LINC00237: variants seen among roughly 807,000 people sequenced by gnomAD.
The protein encoded by LINC00237 is long intergenic non-protein coding RNA 237.
Position 21,101,569 on chromosome 20 carries a change from G to A in LINC00237, n.88+4702C>T, listed in dbSNP as rs934747505. The A allele has an allele frequency of 8.5e-5, 13 of 152,380 alleles. No homozygotes were observed. Among genetic ancestry groups the A allele is most frequent in the African/African-American group, 3.1e-4 (13 of 41,462 alleles). The allele number at this position is 152,380 out of a possible 1,614,324, so 9.4% of individuals were successfully genotyped here. A position where few individuals can be genotyped will look rare whatever the true frequency, so the allele number is the denominator to read the frequency against. ...ACGCAGTCCGCGGCCGCCAGCTCCA[G>A]GGGCTCGGGCCCCAGGTTGGAGTAG... is the stretch of plus-strand genomic sequence containing the variant. On this transcript the variant is annotated intron_variant and non_coding_transcript_variant, in intron 1 of 3. Coordinates refer to ENST00000691244, the Ensembl canonical transcript of LINC00237. This position sits in a 1 kb window ranked among gnomAD's most constrained non-coding sequence, Gnocchi z 4.3.
chr20:21,095,802 G>T (rs1206551924), intron 1 of LINC00237, among the ~76,000 whole-genome samples: 3 of 152,190 alleles, frequency 2.0e-5, no homozygotes, highest in Admixed American at 1.3e-4. Context: ...GTGTTTCATT[G>T]CCTGGGAACT....
intron 2 of LINC00237, among the ~76,000 whole-genome samples, chr20:21,091,046 CGTGTGTGTGTGTGCGTGTGTGT>C (rs955683528): frequency 3.3e-5 from 5 of 150,152 alleles, no homozygotes; most frequent in Non-Finnish European, 7.4e-5. Flanking sequence ...TGTAAATGTG[CGTGTGTGTGTGTGCGTGTGTGT>C]GTGTGTGTGT....
At chr20:21,103,816 G>A (rs974313121) in intron 1 of LINC00237, among the ~76,000 whole-genome samples, 6 of 152,184 alleles carry the variant, frequency 3.9e-5, no homozygotes, top group African/African-American at 4.8e-5. Flanking sequence ...GTCACTGATC[G>A]ACTCATCTTG....
intron 2 of LINC00237, among the ~76,000 whole-genome samples, chr20:21,090,864 G>A (rs2030782511): frequency 6.6e-6 from 1 of 152,158 alleles, no homozygotes; most frequent in Non-Finnish European, 1.5e-5. Context: ...GCAAAGGCCT[G>A]CCCGGAGATG....
chr20:21,095,860 T>C (rs1324033372), intron 1 of LINC00237, among the ~76,000 whole-genome samples: 1 of 152,234 alleles, frequency 6.6e-6, no homozygotes, highest in African/African-American at 2.4e-5. Flanking sequence ...AGGCCAGAAG[T>C]GCTGAGGAAA....
intron 1 of LINC00237, among the ~76,000 whole-genome samples, chr20:21,095,740 CTTACCTG>C (rs1311326235): frequency 6.6e-6 from 1 of 152,310 alleles, no homozygotes; most frequent in East Asian, 1.9e-4. Flanking sequence ...TTGATAGCTC[CTTACCTG>C]TCTACATCAG....
intron 1 of LINC00237, among the ~76,000 whole-genome samples, chr20:21,094,910 G>A (rs1195135956): frequency 6.6e-6 from 1 of 152,164 alleles, no homozygotes; most frequent in Non-Finnish European, 1.5e-5. Context: ...AATTAGCTGG[G>A]CATGGTGGTG....
intron 1 of LINC00237, among the ~76,000 whole-genome samples, chr20:21,103,163 A>G (rs925888370): frequency 3.3e-5 from 5 of 152,274 alleles, no homozygotes; most frequent in Admixed American, 3.3e-4. Context: ...AAACGCGCCA[A>G]CGCTGCAAGC....
intron 1 of LINC00237, among the ~76,000 whole-genome samples, chr20:21,097,810 G>A (rs2030880177): frequency 6.6e-6 from 1 of 152,060 alleles, no homozygotes; most frequent in South Asian, 2.1e-4. Context: ...GAAAATATGT[G>A]TCTAATCACC....
chr20:21,093,159 G>C (rs1216928456), intron 2 of LINC00237: 6 of 152,218 alleles, frequency 3.9e-5, no homozygotes, highest in Non-Finnish European at 5.9e-5. Flanking sequence ...AGAGTCGCTA[G>C]TTGTGATAAT....
intron 1 of LINC00237, among the ~76,000 whole-genome samples, chr20:21,096,023 G>T (rs1046988220): frequency 6.6e-6 from 1 of 152,194 alleles, no homozygotes; most frequent in African/African-American, 2.4e-5. Context: ...ACACCTTGAT[G>T]GTTGCCTTCC....
At chr20:21,091,498 C>T (rs1199575553) in intron 2 of LINC00237, among the ~76,000 whole-genome samples, 2 of 152,130 alleles carry the variant, frequency 1.3e-5, no homozygotes, top group Non-Finnish European at 2.9e-5. Flanking sequence ...TTCTTACTGA[C>T]GCCACTCTGC....
At chr20:21,091,443 T>A (rs1369921106) in intron 2 of LINC00237, among the ~76,000 whole-genome samples, 1 of 152,110 alleles carries the variant, frequency 6.6e-6, no homozygotes, top group Non-Finnish European at 1.5e-5. Context: ...GTAAAGAGAT[T>A]GTGCAAACCC....
chr20:21,100,733 T>C (rs1223714615), intron 1 of LINC00237, among the ~76,000 whole-genome samples: 1 of 152,206 alleles, frequency 6.6e-6, no homozygotes, highest in East Asian at 1.9e-4. Flanking sequence ...TTCCCCTGAA[T>C]TGAGCAAACA....
intron 3 of LINC00237, among the ~76,000 whole-genome samples, chr20:21,086,839 ATGTATAGTATACACTATATATG>A (rs1411630869): frequency 7.8e-6 from 1 of 128,838 alleles, no homozygotes; most frequent in African/African-American, 2.9e-5. Flanking sequence ...TATACTATAT[ATGTATAGTATACACTATATATG>A]TATATAGTAT....
At position 21,104,973 on chromosome 20, in the gene LINC00237, G is replaced by T. The variant is rs142914689; in HGVS notation, n.88+1298C>A. Among the ~76,000 whole-genome samples, 7 of 152,312 alleles carry T rather than the reference G, an allele frequency of 4.6e-5. No individual in the cohort carries two copies. The East Asian group carries it at 1.2e-3, about 25-fold the overall frequency. On this transcript the variant is annotated intron_variant and non_coding_transcript_variant, in intron 1 of 3. Transcript: ENST00000691244. ...CCAAATATCTGGAGAAGCTGGGAGA[G>T]AAATGGTCATGGCTGCATATCCAAG... is the stretch of plus-strand genomic sequence containing the variant.
chr20:21,096,437 C>T (rs2030859345), intron 1 of LINC00237, among the ~76,000 whole-genome samples: 1 of 152,126 alleles, frequency 6.6e-6, no homozygotes, highest in South Asian at 2.1e-4. Flanking sequence ...ATGCCACTGG[C>T]GAATGTTTAG....
At chr20:21,093,645 T>G (rs2030820517) in exon 2 of LINC00237, 1 of 152,270 alleles carries the variant, frequency 6.6e-6, no homozygotes, top group Non-Finnish European at 1.5e-5. Flanking sequence ...CCCTGTCTCA[T>G]GTGCTCATTT....
chr20:21,101,096 C>G lies in LINC00237; in HGVS notation n.88+5175G>C, dbSNP rs553190295. On this transcript the variant is annotated intron_variant and non_coding_transcript_variant, in intron 1 of 3. Transcript: ENST00000691244. The surrounding 1 kb of genome is among the most constrained non-coding windows in gnomAD (Gnocchi z 4.3). ...TGGGCGTGATTAGCATGTGAAAAGG[C>G]GAGCAAAACTCCGCGGTTCAACAGC... Among the ~76,000 whole-genome samples the G allele has an allele frequency of 5.9e-5, 9 of 152,244 alleles. No homozygotes were observed. The South Asian group carries it at 1.9e-3, about 32-fold the overall frequency.
Sources: gnomAD v4.1 joint callset for allele counts (sites outside exome capture counted in the v4.1 genomes callset) on GRCh38, gnomAD v4.1.1 for gene constraint, Gnocchi (gnomAD v3.1) non-coding constraint, MANE v1.5 for transcripts, NCBI Gene and HGNC (gene_info 2026-07-23, HGNC 2026-07-21) for gene names.